CTNNA2: variants seen among roughly 807,000 people sequenced by gnomAD.
CTNNA2 encodes catenin alpha 2.
CTNNA2 carries 42 observed loss-of-function variants against 101.0 expected under a neutral mutation model. The ratio of observed to expected loss-of-function variants is 0.42; its 90% CI spans 0.32 to 0.54. The LOEUF is 0.54. Ranked by LOEUF, CTNNA2 falls within the 20% of genes least tolerant of loss-of-function variation. CTNNA2 has a pLI of 0.14. For synonymous variants in CTNNA2, 450 were observed against 456.4 expected, an observed-to-expected ratio of 0.99 and a Z score of 0.18; for missense variants, 871 against 1,223.1, an observed-to-expected ratio of 0.71 and a Z score of 4.29.
intron 7 of CTNNA2, among the ~76,000 whole-genome samples, chr2:80,015,206 A>G (rs1694056281): frequency 6.6e-6 from 1 of 152,080 alleles, no homozygotes; most frequent in Non-Finnish European, 1.5e-5. Context: ...TTCTAGATGA[A>G]GCTTTATTTG....
intron 7 of CTNNA2, among the ~76,000 whole-genome samples, chr2:79,913,931 G>GAT (rs1685991908): frequency 6.7e-6 from 1 of 150,324 alleles, no homozygotes; most frequent in Non-Finnish European, 1.5e-5. Flanking sequence ...ACTTTGGGAG[G>GAT]CCGAGGCGGG....
At chr2:79,422,239 T>C (rs1285909353) in intron 4 of CTNNA2, among the ~76,000 whole-genome samples, 1 of 152,304 alleles carries the variant, frequency 6.6e-6, no homozygotes, top group East Asian at 1.9e-4. Context: ...AGAATCTTTT[T>C]TTTTTTCAAC....
At chr2:79,905,280 A>G (rs1574277220) in intron 6 of CTNNA2, among the ~76,000 whole-genome samples, 2 of 152,350 alleles carry the variant, frequency 1.3e-5, no homozygotes, top group East Asian at 3.9e-4. Context: ...AAAACATAAG[A>G]AAAAGATAAA....
intron 3 of CTNNA2, among the ~76,000 whole-genome samples, chr2:79,851,844 C>A (rs62141573): frequency 0.27 from 39,044 of 144,574 alleles, 5,426 homozygotes; most frequent in Non-Finnish European, 0.31. Flanking sequence ...CAGACTCAAG[C>A]GATACTCCTG....
intron 3 of CTNNA2, among the ~76,000 whole-genome samples, chr2:79,752,215 A>C (rs1033678771): frequency 6.6e-6 from 1 of 152,180 alleles, no homozygotes; most frequent in East Asian, 1.9e-4. Context: ...GAAAGAACAA[A>C]CTAGTATTAG....
chr2:79,641,663 A>G (rs1680456538), intron 1 of CTNNA2, among the ~76,000 whole-genome samples: 1 of 152,210 alleles, frequency 6.6e-6, no homozygotes, highest in Non-Finnish European at 1.5e-5. Flanking sequence ...CCTGAATATC[A>G]CATAGGTTGA....
At chr2:80,304,121 A>G (rs944216523) in intron 7 of CTNNA2, 3 of 316,134 alleles carry the variant, frequency 9.5e-6, no homozygotes, top group African/African-American at 6.4e-5. Context: ...AATCTTCGGG[A>G]AAGAATTTAA....
At chr2:79,801,524 A>G (rs2105298864) in intron 3 of CTNNA2, among the ~76,000 whole-genome samples, 1 of 152,338 alleles carries the variant, frequency 6.6e-6, no homozygotes, top group East Asian at 1.9e-4. Flanking sequence ...TGCCTTGGGC[A>G]GATGATGTTG....
At chr2:80,614,122 A>C (rs942431409) in intron 17 of CTNNA2, among the ~76,000 whole-genome samples, 2 of 151,502 alleles carry the variant, frequency 1.3e-5, no homozygotes, top group African/African-American at 2.4e-5. Flanking sequence ...ATATTCTGAG[A>C]ATGATTTAGT....
intron 7 of CTNNA2, among the ~76,000 whole-genome samples, chr2:80,335,678 C>G (rs1297270497): frequency 1.3e-5 from 2 of 152,112 alleles, no homozygotes; most frequent in African/African-American, 2.4e-5. Context: ...ATCAGAAAGG[C>G]ACATTAGAGC....
chr2:79,668,668 T>TA (rs1013390929), intron 2 of CTNNA2, among the ~76,000 whole-genome samples: 8 of 152,030 alleles, frequency 5.3e-5, no homozygotes, highest in Non-Finnish European at 8.8e-5. Context: ...CACTTTCTAG[T>TA]AAAAAAAACT....
chr2:79,361,686 C>T (rs770529894), intron 3 of CTNNA2, among the ~76,000 whole-genome samples: 1 of 152,052 alleles, frequency 6.6e-6, no homozygotes, highest in Non-Finnish European at 1.5e-5. Flanking sequence ...ATCACAAGGT[C>T]CCACAATAGG....
At chr2:80,581,145 C>T (rs1296189340) in intron 13 of CTNNA2, among the ~76,000 whole-genome samples, 3 of 152,156 alleles carry the variant, frequency 2.0e-5, no homozygotes, top group Non-Finnish European at 2.9e-5. Context: ...TTATCAACCT[C>T]AATTTACAGA....
At chr2:80,094,493 T>A (rs536908129) in intron 7 of CTNNA2, among the ~76,000 whole-genome samples, 1 of 152,310 alleles carries the variant, frequency 6.6e-6, no homozygotes, top group African/African-American at 2.4e-5. Flanking sequence ...ATGCGGGCTC[T>A]TTTTTGGTTC....
intron 11 of CTNNA2, among the ~76,000 whole-genome samples, chr2:80,551,106 A>T (rs1367708072): frequency 6.6e-6 from 1 of 152,212 alleles, no homozygotes; most frequent in Non-Finnish European, 1.5e-5. Context: ...GTATATCTCC[A>T]TCAGAGCTCT....
intron 7 of CTNNA2, among the ~76,000 whole-genome samples, chr2:80,319,535 T>A (rs369563527): frequency 6.6e-6 from 1 of 152,202 alleles, no homozygotes; most frequent in East Asian, 1.9e-4. Flanking sequence ...TCAACCAACA[T>A]GGAGAACAAA....
At chr2:79,186,356 G>A (rs1572969003) in intron 1 of CTNNA2, among the ~76,000 whole-genome samples, 1 of 152,184 alleles carries the variant, frequency 6.6e-6, no homozygotes, top group African/African-American at 2.4e-5. Context: ...TAGAGGAGGT[G>A]ACAAGGATAA....
intron 3 of CTNNA2, among the ~76,000 whole-genome samples, chr2:79,844,991 C>CACACACACACACACACACAT (rs1181754110): frequency 1.5e-4 from 22 of 151,358 alleles, no homozygotes; most frequent in African/African-American, 5.4e-4. Context: ...CACACACACA[C>CACACACACACACACACACAT]ACACACACAC....
intron 9 of CTNNA2, among the ~76,000 whole-genome samples, chr2:80,505,010 G>C (rs1452773349): frequency 6.6e-6 from 1 of 152,182 alleles, no homozygotes; most frequent in African/African-American, 2.4e-5. Flanking sequence ...GCAGAGCACT[G>C]GGTCCTTTCT....
Sources: gnomAD v4.1 joint callset for allele counts (sites outside exome capture counted in the v4.1 genomes callset) on GRCh38, gnomAD v4.1.1 for gene constraint, MANE v1.5 for transcripts, NCBI Gene and HGNC (gene_info 2026-07-23, HGNC 2026-07-21) for gene names.